Variants in CD96 observed in about 807,000 individuals in gnomAD.
CD96 encodes the protein T-cell surface protein tactile.
Under a neutral mutation model 71.3 loss-of-function variants are expected in CD96, and 70 were observed. The ratio of observed to expected loss-of-function variants is 0.98; its 90% confidence interval spans 0.81 to 1.20. The LOEUF (loss-of-function observed/expected upper bound fraction) is 1.20, where lower values mean the gene tolerates loss of function less well. Among genes scored for constraint, CD96 ranks in the 50% most tolerant of loss-of-function variants. The pLI is 0.00. For missense variants in CD96, 742 were observed against 677.5 expected (o/e 1.10, Z -1.06); for synonymous variants, 248 against 233.0 (o/e 1.06, Z -0.59).
At chr3:111,563,582 ATTG>A (rs138700914) in intron 2 of CD96, among the ~76,000 whole-genome samples, 2,251 of 152,164 alleles carry the variant, frequency 0.015, 54 homozygotes, top group African/African-American at 0.051. Context: ...CGGCCCTAAA[ATTG>A]TTGTTGTTTT....
rs529671962 is a variant in CD96, at chr3:111,565,711, A to C, written c.419-1812A>C. On this transcript the variant is annotated intron_variant, in intron 2 of 13. Transcript: ENST00000352690. ...TTAAGGGACAGGGGTCTTTTTTTTC[A>C]ATTATGGGCTTGGAGTACTATTTGG... Among the ~76,000 whole-genome samples, 110 of 151,724 alleles carry C rather than the reference A, an allele frequency of 7.3e-4. 1 individual carries two copies. The highest frequency in any genetic ancestry group is 7.4e-5 in the Non-Finnish European group (5 of 67,846).
chr3:111,603,154 A>T (rs1379614462), intron 7 of CD96, among the ~76,000 whole-genome samples: 2 of 152,176 alleles, frequency 1.3e-5, no homozygotes, highest in African/African-American at 2.4e-5. Flanking sequence ...TTTCAAAAAT[A>T]TCATGGACCA....
Position 111,623,796 on chromosome 3 carries a change from C to G in CD96, c.1223C>G (p.Ala408Gly), listed in dbSNP as rs756716708. The G allele has an allele frequency of 8.7e-6, 14 of 1,611,902 alleles. No individual in the cohort carries two copies. Among genetic ancestry groups the G allele is most frequent in the Non-Finnish European group, 1.1e-5 (13 of 1,178,148 alleles). ...TCAGTGACCCTTGTAGATGTGAGTGCCTTGAGGCCAAACACCACTCCTCAA... is the reference window on the plus strand; with the variant it reads ...TCAGTGACCCTTGTAGATGTGAGTGGCTTGAGGCCAAACACCACTCCTCAA... Reference protein sequence around the residue: ...TSSVTLVDVSALRPNTTPQPS... With the variant: ...TSSVTLVDVSGLRPNTTPQPS... Residue 408 changes from alanine to glycine, a missense_variant, in exon 9 of 14, where the codon GCC becomes GGC. Physicochemically the swap from Ala to Gly is moderately conservative, Grantham distance 60 (BLOSUM62 0). Transcript: ENST00000352690.
chr3:111,636,567 A>G (rs1440225545), intron 10 of CD96, among the ~76,000 whole-genome samples: 1 of 152,164 alleles, frequency 6.6e-6, no homozygotes, highest in Non-Finnish European at 1.5e-5. Flanking sequence ...AAACAAAATG[A>G]GTTGTTAGAT....
chr3:111,641,339 G>A (rs1383039200), intron 12 of CD96, among the ~76,000 whole-genome samples: 9 of 152,194 alleles, frequency 5.9e-5, no homozygotes, highest in Non-Finnish European at 4.4e-5. Context: ...AAGCGAGCAG[G>A]GGTAGCTATT....
intron 10 of CD96, among the ~76,000 whole-genome samples, chr3:111,630,099 G>T (rs1938983046): frequency 6.6e-6 from 1 of 151,980 alleles, no homozygotes; most frequent in African/African-American, 2.4e-5. Context: ...ACAACTAAAA[G>T]AACTAGAGAA....
chr3:111,594,277 A>G (rs866876969), intron 5 of CD96: 1 of 1,495,196 alleles, frequency 6.7e-7, no homozygotes, highest in Non-Finnish European at 9.0e-7. Flanking sequence ...AAGATTAAAT[A>G]TATATTTGGG....
downstream of CD96, among the ~76,000 whole-genome samples, chr3:111,656,039 G>A (rs867709700): frequency 6.6e-6 from 1 of 151,792 alleles, no homozygotes; most frequent in Admixed American, 6.6e-5. Flanking sequence ...GAGAGAGAAA[G>A]CAAAGTCAAA....
At chr3:111,664,725 C>T (rs544082386) in intron 14 of CD96, among the ~76,000 whole-genome samples, 15 of 152,028 alleles carry the variant, frequency 9.9e-5, no homozygotes, top group Middle Eastern at 3.4e-3. Context: ...TCAAAAATGT[C>T]AATATAAAGA....
intron 4 of CD96, among the ~76,000 whole-genome samples, chr3:111,581,503 C>T (rs933323296): frequency 1.3e-5 from 2 of 152,182 alleles, no homozygotes; most frequent in Non-Finnish European, 2.9e-5. Context: ...AAACAATGTC[C>T]ATTGCTCAAC....
chr3:111,635,180 A>AT (rs1226932979), intron 10 of CD96: 1 of 153,062 alleles, frequency 6.5e-6, no homozygotes, highest in African/African-American at 2.4e-5. Context: ...CTGAAAGGCT[A>AT]TTTTTTATAA....
intron 8 of CD96, among the ~76,000 whole-genome samples, chr3:111,614,086 G>A (rs1416923475): frequency 6.6e-6 from 1 of 152,198 alleles, no homozygotes; most frequent in Non-Finnish European, 1.5e-5. Context: ...TCAGCCACAA[G>A]AACAGACCTG....
chr3:111,604,974 A>C (rs1418425578), intron 7 of CD96, among the ~76,000 whole-genome samples: 1 of 152,264 alleles, frequency 6.6e-6, no homozygotes, highest in Non-Finnish European at 1.5e-5. Context: ...ATCAATATAC[A>C]GAGAAAAACA....
chr3:111,574,143 C>G (rs1346981315), intron 3 of CD96, among the ~76,000 whole-genome samples: 1 of 152,158 alleles, frequency 6.6e-6, no homozygotes, highest in Non-Finnish European at 1.5e-5. Context: ...CACTCAGCAC[C>G]TGCCATGTGC....
chr3:111,591,897 A>G (rs576072805), intron 5 of CD96, among the ~76,000 whole-genome samples: 17 of 152,376 alleles, frequency 1.1e-4, no homozygotes, highest in Non-Finnish European at 1.9e-4. Flanking sequence ...AGGGCTGCCT[A>G]GCAAGTCTAG....
At chr3:111,596,085 C>T (rs1371735054) in intron 5 of CD96, among the ~76,000 whole-genome samples, 2 of 151,884 alleles carry the variant, frequency 1.3e-5, no homozygotes, top group South Asian at 2.1e-4. Context: ...TTGCTTGAAC[C>T]CGGGAGGTGG....
intron 2 of CD96, among the ~76,000 whole-genome samples, chr3:111,546,276 A>G (rs1242097982): frequency 6.6e-6 from 1 of 152,222 alleles, no homozygotes; most frequent in African/African-American, 2.4e-5. Flanking sequence ...TGGTGGTGCT[A>G]TTCACTGTGA....
rs144312276 is a variant in CD96, at chr3:111,642,611, C to A, written c.1477+4443C>A. On this transcript the variant is annotated intron_variant, in intron 12 of 13. Transcript: ENST00000352690. ...ATCATGAGGTCAAGAGTTCACGACC[C>A]GCCTGGCCAAGACAGTGAAAACCCG... Among the ~76,000 whole-genome samples the A allele has an allele frequency of 7.5e-3, 1,137 of 151,956 alleles. 16 individuals carry two copies. The highest frequency in any genetic ancestry group is 0.026 in the African/African-American group (1,078 of 41,438).
downstream of CD96, among the ~76,000 whole-genome samples, chr3:111,665,995 TA>T (rs762675537): frequency 3.9e-5 from 6 of 152,246 alleles, no homozygotes. Context: ...TATTTGAAGA[TA>T]CTCTCTGTCC....
Sources: allele counts gnomAD v4.1 joint callset (sites outside exome capture counted in the v4.1 genomes callset), GRCh38; gene constraint gnomAD v4.1.1; transcripts MANE v1.5; gene names NCBI Gene and HGNC (gene_info 2026-07-23, HGNC 2026-07-21).